The following GNG4 variants were observed in gnomAD, a reference collection of about 807,000 sequenced individuals.
The protein encoded by GNG4 is guanine nucleotide-binding protein G(I)/G(S)/G(O) subunit gamma-4.
Under a neutral mutation model 5.8 loss-of-function variants are expected in GNG4, and 4 were observed. The observed-to-expected ratio is 0.69, with a 90% CI of 0.34 to 1.57. The LOEUF (loss-of-function observed/expected upper bound fraction) is 1.57. GNG4 is among the 40% of genes most tolerant of loss of function. The pLI, the probability that GNG4 is intolerant of heterozygous loss-of-function variation, is 0.06. For missense variants in GNG4, 96 were observed against 95.1 expected, an observed-to-expected ratio of 1.01 and a Z score of -0.04; for synonymous variants, 29 against 32.9, an observed-to-expected ratio of 0.88 and a Z score of 0.41.
At chr1:235,567,132 CTA>C (rs1344661163) in intron 3 of GNG4, among the ~76,000 whole-genome samples, 1 of 151,930 alleles carries the variant, frequency 6.6e-6, no homozygotes, top group Non-Finnish European at 1.5e-5. Flanking sequence ...TGTGGTCTCG[CTA>C]TGTTTCCCAG....
At chr1:235,629,578 T>TTTCTTTCTTTTTTCA (rs1688892112) in intron 1 of GNG4, among the ~76,000 whole-genome samples, 1 of 136,356 alleles carries the variant, frequency 7.3e-6, no homozygotes, top group Non-Finnish European at 1.5e-5. Context: ...CTCTCAAATT[T>TTTCTTTCTTTTTTCA]TTCTTTCTTT....
intron 2 of GNG4, among the ~76,000 whole-genome samples, chr1:235,593,930 A>G (rs1010098967): frequency 2.0e-5 from 3 of 152,222 alleles, no homozygotes; most frequent in African/African-American, 7.2e-5. Flanking sequence ...TGGGGACCCA[A>G]GCAGATTACC....
chr1:235,637,752 C>T (rs887461973), intron 1 of GNG4, among the ~76,000 whole-genome samples: 2 of 152,068 alleles, frequency 1.3e-5, no homozygotes, highest in African/African-American at 2.4e-5. Context: ...AAGGATGCTG[C>T]GGGCACTTAA....
chr1:235,608,731 T>C (rs1278100396), intron 1 of GNG4, among the ~76,000 whole-genome samples: 1 of 151,748 alleles, frequency 6.6e-6, no homozygotes, highest in East Asian at 1.9e-4. Flanking sequence ...TCACCCAGGC[T>C]GAAGTGCAGT....
intron 1 of GNG4, among the ~76,000 whole-genome samples, chr1:235,632,619 GT>G (rs1416655215): frequency 1.3e-5 from 2 of 152,122 alleles, no homozygotes; most frequent in African/African-American, 4.8e-5. Flanking sequence ...TTTGAACAAG[GT>G]TTTTTCTCTT....
Position 235,583,828 on chromosome 1 carries a change from C to T in GNG4, c.11G>A (p.Gly4Asp). Residue 4 changes from glycine (G) to aspartate (D), a missense_variant, in exon 3 of 4, where the codon GGC becomes GAC. Transcript: ENST00000391854. ...GCTAGTGGTGCTGTTATTAGACATG[C>T]CCTCTTTCATTCTACTGCCCCTAGA... Reference protein sequence around the residue: MKEGMSNNSTTSIS... With the variant: MKEDMSNNSTTSIS... 6 of 1,612,034 alleles carry T rather than the reference C, an allele frequency of 3.7e-6. No individual in the cohort carries two copies. The highest frequency in any genetic ancestry group is 5.1e-6 in the Non-Finnish European group (6 of 1,178,208).
At chr1:235,596,818 G>A in intron 1 of GNG4, among the ~76,000 whole-genome samples, 1 of 151,982 alleles carries the variant, frequency 6.6e-6, no homozygotes, top group Non-Finnish European at 1.5e-5. Flanking sequence ...CTTGAACTGG[G>A]CTCAAACGAG....
At chr1:235,554,855 A>G (rs1686856532) in intron 3 of GNG4, among the ~76,000 whole-genome samples, 1 of 151,826 alleles carries the variant, frequency 6.6e-6, no homozygotes, top group East Asian at 1.9e-4. Flanking sequence ...CAAAAAAAAA[A>G]AAAAAAAAAA....
At chr1:235,597,630 A>ATAT (rs1553369071) in intron 1 of GNG4, among the ~76,000 whole-genome samples, 22 of 35,598 alleles carry the variant, frequency 6.2e-4, no homozygotes, top group Admixed American at 1.6e-3. Context: ...GTGTGTGTGT[A>ATAT]TTTTTTTTTT....
At chr1:235,640,723 T>A (rs1426858503) in intron 1 of GNG4, among the ~76,000 whole-genome samples, 1 of 152,182 alleles carries the variant, frequency 6.6e-6, no homozygotes, top group African/African-American at 2.4e-5. Flanking sequence ...GACCTGAGGG[T>A]CTCTGATCCA....
intron 3 of GNG4, chr1:235,566,080 T>C (rs531462399): frequency 1.3e-5 from 2 of 152,372 alleles, no homozygotes; most frequent in East Asian, 3.9e-4. Flanking sequence ...AAACTATAAC[T>C]TGGCAGAGAG....
chr1:235,600,637 C>T (rs1461868540), intron 1 of GNG4, among the ~76,000 whole-genome samples: 2 of 151,026 alleles, frequency 1.3e-5, no homozygotes, highest in Non-Finnish European at 2.9e-5. Flanking sequence ...TTGCCCAGGC[C>T]GGTTTTGAAC....
intron 3 of GNG4, among the ~76,000 whole-genome samples, chr1:235,561,908 CTA>C (rs1357147634): frequency 6.6e-6 from 1 of 152,094 alleles, no homozygotes; most frequent in African/African-American, 2.4e-5. Context: ...CTTAGATTTC[CTA>C]TGTCATCTTC....
chr1:235,627,841 A>G (rs1483517558), intron 1 of GNG4, among the ~76,000 whole-genome samples: 2 of 152,154 alleles, frequency 1.3e-5, no homozygotes, highest in Non-Finnish European at 2.9e-5. Flanking sequence ...TGTGATATCA[A>G]CCAATACTTC....
intron 1 of GNG4, among the ~76,000 whole-genome samples, chr1:235,633,513 G>A (rs989425501): frequency 1.3e-5 from 2 of 152,148 alleles, no homozygotes; most frequent in East Asian, 1.9e-4. Flanking sequence ...TTTGAGACAG[G>A]GTCTCATTCT....
chr1:235,626,635 G>A (rs557538862), intron 1 of GNG4, among the ~76,000 whole-genome samples: 1 of 152,216 alleles, frequency 6.6e-6, no homozygotes, highest in South Asian at 2.1e-4. Flanking sequence ...GACCTTTTCC[G>A]TGACCATTGC....
chr1:235,649,508 T>C lies in GNG4; in HGVS notation c.-123+154A>G, dbSNP rs1181278854. On this transcript the variant is annotated intron_variant, in intron 1 of 3. Coordinates refer to ENST00000391854, the MANE Select transcript of GNG4 (RefSeq NM_001098722.2). This position sits in a 1 kb window ranked among gnomAD's most constrained non-coding sequence, Gnocchi z 5.7. ...GGGAACCACAGGTCTTTGTGTCGCG[T>C]GCAGCAGCAGCTGGCGGCGTGAGGA... is the stretch of plus-strand genomic sequence containing the variant. Among the ~76,000 whole-genome samples the C allele has an allele frequency of 6.6e-6, 1 of 151,900 alleles. No individual in the cohort carries two copies. The highest frequency in any genetic ancestry group is 1.5e-5 in the Non-Finnish European group (1 of 67,948).
rs959927212 is a variant in GNG4 at position 235,549,938 on chromosome 1, C to G, written c.*2171G>C. 2 of 152,158 alleles carry G rather than the reference C, an allele frequency of 1.3e-5. No homozygotes were observed. The highest frequency in any genetic ancestry group is 4.8e-5 in the African/African-American group (2 of 41,446). The allele number at this position is 152,158 out of a possible 1,614,324, so 9.4% of individuals were successfully genotyped here. On this transcript the variant is annotated 3_prime_UTR_variant, in exon 4 of 4. Transcript: ENST00000391854. ...TGTAGCATCTCTGTTTCCTCCCAGA[C>G]AGAAAGGCAGGATAATTACCATTAA...
chr1:235,599,301 G>T (rs1324912700), intron 1 of GNG4, among the ~76,000 whole-genome samples: 2 of 147,134 alleles, frequency 1.4e-5, no homozygotes, highest in Non-Finnish European at 3.0e-5. Flanking sequence ...TTTTGTTGTC[G>T]TTGTTTGTTT....
Sources: allele counts gnomAD v4.1 joint callset (sites outside exome capture counted in the v4.1 genomes callset), GRCh38; gene constraint gnomAD v4.1.1; non-coding constraint Gnocchi (gnomAD v3.1); transcripts MANE v1.5; gene names NCBI Gene and HGNC (gene_info 2026-07-23, HGNC 2026-07-21).